Variants in CCDC85A observed in about 807,000 individuals in gnomAD.
CCDC85A encodes the protein coiled-coil domain containing 85A, also known as coiled-coil domain-containing protein 85A.
In CCDC85A, 38 loss-of-function variants were observed where a neutral mutation model predicts 50.2. The ratio of observed to expected loss-of-function variants is 0.76; its 90% CI spans 0.58 to 0.99. The LOEUF (loss-of-function observed/expected upper bound fraction) is 0.99, where lower values mean the gene tolerates loss of function less well. Among genes scored for constraint, CCDC85A ranks in the 50% least tolerant of loss-of-function variants. CCDC85A has a pLI of 0.00. For synonymous variants in CCDC85A, 366 were observed against 301.4 expected, an observed-to-expected ratio of 1.21 and a Z score of -2.22; for missense variants, 820 against 742.0, an observed-to-expected ratio of 1.11 and a Z score of -1.22.
intron 2 of CCDC85A, among the ~76,000 whole-genome samples, chr2:56,215,574 A>C (rs1451685808): frequency 7.3e-6 from 1 of 137,534 alleles, no homozygotes; most frequent in Non-Finnish European, 1.5e-5. Context: ...TAGTTTGCTG[A>C]TAGTTTTTTT....
At chr2:56,248,724 C>T (rs532438121) in intron 2 of CCDC85A, among the ~76,000 whole-genome samples, 4 of 152,250 alleles carry the variant, frequency 2.6e-5, no homozygotes, top group South Asian at 2.1e-4. Flanking sequence ...AAGCACTTTA[C>T]GTGGCAGGGC....
At chr2:56,372,577 C>G in intron 4 of CCDC85A, 99 bp downstream of exon 4, 1 of 1,277,610 alleles carries the variant, frequency 7.8e-7, no homozygotes, top group Non-Finnish European at 1.0e-6. Flanking sequence ...AAAACAAGTT[C>G]ATACACATGA....
chr2:56,321,091 C>T (rs1378317550), intron 2 of CCDC85A, among the ~76,000 whole-genome samples: 1 of 152,042 alleles, frequency 6.6e-6, no homozygotes, highest in Non-Finnish European at 1.5e-5. Context: ...AATTCAACAA[C>T]CCTTCATGCT....
rs549854991 is a variant in CCDC85A at position 56,207,861 on chromosome 2, A to T, written c.1240+14421A>T. 5.9e-5 allele frequency among the ~76,000 whole-genome samples: 9 copies of T among 152,288 alleles called. No homozygotes were observed. The South Asian group carries it at 1.9e-3, about 32-fold the overall frequency. ...CTATAAGAAACAATAAACTTTTACT[A>T]AGAAACATAATATTTATATTTGAAT... On this transcript the variant is annotated intron_variant, in intron 2 of 5. Coordinates refer to ENST00000407595, the MANE Select transcript of CCDC85A (RefSeq NM_001080433.2).
intron 2 of CCDC85A, among the ~76,000 whole-genome samples, chr2:56,298,285 G>A (rs1479145886): frequency 3.9e-5 from 6 of 152,152 alleles, no homozygotes; most frequent in Non-Finnish European, 8.8e-5. Flanking sequence ...AATTACAGAA[G>A]TGAGGGTTCT....
At chr2:56,293,209 T>A (rs1314357373) in intron 2 of CCDC85A, among the ~76,000 whole-genome samples, 2 of 152,210 alleles carry the variant, frequency 1.3e-5, no homozygotes, top group Non-Finnish European at 2.9e-5. Flanking sequence ...GAGGATTCCA[T>A]GTGGAGAAAA....
chr2:56,203,327 CT>C (rs1229556657), intron 2 of CCDC85A, among the ~76,000 whole-genome samples: 3 of 151,206 alleles, frequency 2.0e-5, no homozygotes, highest in African/African-American at 7.3e-5. Context: ...TGGAATCAAG[CT>C]TTTCAAAATC....
intron 2 of CCDC85A, among the ~76,000 whole-genome samples, chr2:56,282,446 G>T (rs1398269224): frequency 6.6e-6 from 1 of 152,158 alleles, no homozygotes; most frequent in African/African-American, 2.4e-5. Context: ...CTGATGTTTT[G>T]ATTTGGATTG....
chr2:56,362,485 A>C (rs1266887618), intron 3 of CCDC85A, among the ~76,000 whole-genome samples: 1 of 151,844 alleles, frequency 6.6e-6, no homozygotes, highest in Non-Finnish European at 1.5e-5. Flanking sequence ...ATGCTGAGGG[A>C]AAAAAAAGAA....
chr2:56,295,621 C>G (rs947338715), intron 2 of CCDC85A, among the ~76,000 whole-genome samples: 1 of 152,054 alleles, frequency 6.6e-6, no homozygotes, highest in Non-Finnish European at 1.5e-5. Flanking sequence ...AAAGAAATGG[C>G]CCCTCTGTCT....
chr2:56,358,527 G>A (rs1573334478), intron 3 of CCDC85A, among the ~76,000 whole-genome samples: 1 of 152,194 alleles, frequency 6.6e-6, no homozygotes, highest in East Asian at 1.9e-4. Flanking sequence ...AAAGAGCCAG[G>A]TAGTAAATAT....
At chr2:56,228,979 A>G (rs1348234343) in intron 2 of CCDC85A, among the ~76,000 whole-genome samples, 2 of 152,230 alleles carry the variant, frequency 1.3e-5, no homozygotes, top group Admixed American at 6.5e-5. Flanking sequence ...TTCCAAATAC[A>G]CAGTTGAAAT....
intron 2 of CCDC85A, among the ~76,000 whole-genome samples, chr2:56,285,591 A>C (rs1671408369): frequency 6.8e-6 from 1 of 147,630 alleles, no homozygotes; most frequent in South Asian, 2.1e-4. Context: ...AATATAATTA[A>C]TAATATTCTT....
intron 5 of CCDC85A, among the ~76,000 whole-genome samples, chr2:56,381,764 C>G (rs1007720873): frequency 6.6e-6 from 1 of 151,992 alleles, no homozygotes; most frequent in African/African-American, 2.4e-5. Context: ...CTTTGCTTTC[C>G]TTCCTTTCAA....
intron 3 of CCDC85A, among the ~76,000 whole-genome samples, chr2:56,359,142 C>G (rs1025475934): frequency 2.0e-5 from 3 of 152,030 alleles, no homozygotes; most frequent in Non-Finnish European, 4.4e-5. Context: ...CTAATATTTG[C>G]TACTTATTTT....
At chr2:56,309,870 T>G (rs1444669737) in intron 2 of CCDC85A, among the ~76,000 whole-genome samples, 1 of 152,162 alleles carries the variant, frequency 6.6e-6, no homozygotes, top group East Asian at 1.9e-4. Flanking sequence ...GTCAGCTTCA[T>G]GTACAGACTT....
chr2:56,239,028 G>C (rs1669143125), intron 2 of CCDC85A, among the ~76,000 whole-genome samples: 1 of 152,024 alleles, frequency 6.6e-6, no homozygotes, highest in Non-Finnish European at 1.5e-5. Context: ...GAATTTCTTT[G>C]GCAGCTGAAA....
At chr2:56,312,726 C>T (rs1672751567) in intron 2 of CCDC85A, among the ~76,000 whole-genome samples, 1 of 152,046 alleles carries the variant, frequency 6.6e-6, no homozygotes, top group Admixed American at 6.6e-5. Flanking sequence ...AGGATTTTAA[C>T]TTGGCAAAAA....
rs752033468 is a variant in CCDC85A at position 56,193,204 on chromosome 2, G to T, written c.1004G>T (p.Ser335Ile). The change falls in exon 2 of 6, where the codon AGC (serine) becomes ATC (isoleucine). Residue 335 changes from serine to isoleucine, a missense_variant. Physicochemically the swap from Ser to Ile is moderately radical, Grantham distance 142. Transcript: ENST00000407595. ...SPEHARHSGG[S>I]PEHLQKHALG... The stretch of plus-strand genomic sequence containing the variant: ...GAACACGCCAGGCACAGTGGAGGGA[G>T]CCCGGAGCATCTTCAGAAACACGCT... 12 of 1,613,654 alleles carry T rather than the reference G, an allele frequency of 7.4e-6. No individual in the cohort carries two copies. In the African/African-American group the frequency reaches 1.5e-4, roughly 20 times the overall value.
Sources: allele counts gnomAD v4.1 joint callset (sites outside exome capture counted in the v4.1 genomes callset), GRCh38; gene constraint gnomAD v4.1.1; transcripts MANE v1.5; gene names NCBI Gene and HGNC (gene_info 2026-07-23, HGNC 2026-07-21).